CFAP119: variants seen among roughly 807,000 people sequenced by gnomAD.
The protein encoded by CFAP119 is cilia- and flagella-associated protein 119.
the CFAP119 span, chr16:30,760,044 G>A: frequency 6.6e-7 from 1 of 1,517,760 alleles, no homozygotes; most frequent in Admixed American, 2.1e-5. Context: ...GTGTTATTGT[G>A]CACTATGCAT....
At chr16:30,757,974 G>T in the CFAP119 span, 1 of 365,626 alleles carries the variant, frequency 2.7e-6, no homozygotes, top group Non-Finnish European at 4.5e-6. Flanking sequence ...GATTGAGGGA[G>T]GATTAAATGA....
At chr16:30,760,925 T>C in the CFAP119 span, 1 of 612,100 alleles carries the variant, frequency 1.6e-6, no homozygotes, top group Non-Finnish European at 2.9e-6. Context: ...CTTGGTCAAG[T>C]ACTCCCTGTG....
At chr16:30,761,865 C>T in the CFAP119 span, 2 of 1,044,708 alleles carry the variant, frequency 1.9e-6, no homozygotes, top group South Asian at 3.6e-5. Flanking sequence ...TCCGGCCAAT[C>T]TACGCGCGGA....
chr16:30,758,854 CT>C, the CFAP119 span: 3 of 1,280,718 alleles, frequency 2.3e-6, no homozygotes, highest in Non-Finnish European at 3.2e-6. Flanking sequence ...TGGCCTGCAG[CT>C]GTGCTTTTAT....
At chr16:30,760,762 C>T in the CFAP119 span, 257 of 1,176,352 alleles carry the variant, frequency 2.2e-4, no homozygotes, top group Non-Finnish European at 2.7e-4. Flanking sequence ...TGGCCACCGG[C>T]GTGAAGCTGG....
the CFAP119 span, chr16:30,760,683 GAA>G: frequency 0.3 from 461,913 of 1,549,660 alleles, 82,662 homozygotes; most frequent in South Asian, 0.67. Flanking sequence ...TATAGTAAAA[GAA>G]AAAGAGTATT....
chr16:30,759,848 G>C, the CFAP119 span: 4 of 1,470,740 alleles, frequency 2.7e-6, no homozygotes, highest in Admixed American at 8.2e-5. Flanking sequence ...GCACTGGCTT[G>C]TTTCCTTAAC....
the CFAP119 span, chr16:30,760,120 TAAGG>T: frequency 6.5e-7 from 1 of 1,547,656 alleles, no homozygotes; most frequent in Non-Finnish European, 8.7e-7. Flanking sequence ...AATTTCTAGA[TAAGG>T]AAGCAGTGGA....
At chr16:30,758,477 C>T in the CFAP119 span, 2 of 174,454 alleles carry the variant, frequency 1.1e-5, no homozygotes, top group African/African-American at 4.8e-5. Context: ...CCCATCAACC[C>T]ATCATATAGG....
the CFAP119 span, chr16:30,759,251 G>A: frequency 5.0e-6 from 8 of 1,614,024 alleles, no homozygotes; most frequent in African/African-American, 1.3e-5. Flanking sequence ...GCCGCACCTG[G>A]GAAGCAAGGC....
chr16:30,758,441 T>C, the CFAP119 span: 1 of 160,376 alleles, frequency 6.2e-6, no homozygotes, highest in South Asian at 1.6e-4. Flanking sequence ...TACGTAGGTA[T>C]ACATGGGCCA....
chr16:30,761,084 C>T, the CFAP119 span: 2 of 1,232,218 alleles, frequency 1.6e-6, no homozygotes, highest in Non-Finnish European at 1.1e-6. Context: ...GTAATTGCAT[C>T]TCCAGGCCTC....
At chr16:30,760,408 C>G in the CFAP119 span, 1 of 1,614,214 alleles carries the variant, frequency 6.2e-7, no homozygotes. Flanking sequence ...TGGCGTCCCT[C>G]AGGCTCTGCT....
the CFAP119 span, chr16:30,760,587 C>T: frequency 1.5e-5 from 24 of 1,562,362 alleles, no homozygotes; most frequent in Non-Finnish European, 2.0e-5. Flanking sequence ...GCTCTTCCCA[C>T]GCCCCCCTCA....
chr16:30,758,638 C>T, the CFAP119 span: 1 of 279,256 alleles, frequency 3.6e-6, no homozygotes, highest in Admixed American at 5.0e-5. Flanking sequence ...TCACTGCAGT[C>T]TCCACCTCCT....
At chr16:30,759,986 CAGCTATTAAACATTCTGAAGCAAG>C in the CFAP119 span, 27 of 1,457,604 alleles carry the variant, frequency 1.9e-5, no homozygotes, top group Non-Finnish European at 2.3e-5. Context: ...TAGATCATTT[CAGCTATTAAACATTCTGAAGCAAG>C]AGCTATTAAA....
the CFAP119 span, chr16:30,760,722 C>G: frequency 6.7e-7 from 1 of 1,483,378 alleles, no homozygotes; most frequent in African/African-American, 1.4e-5. Flanking sequence ...CATGACAAGG[C>G]TGTGACAGCT....
the CFAP119 span, chr16:30,758,989 G>A: frequency 1.2e-6 from 2 of 1,613,926 alleles, no homozygotes; most frequent in South Asian, 1.1e-5. Context: ...GGACAGGGCA[G>A]CCTGCCCTCT....
the CFAP119 span, chr16:30,760,517 T>C: frequency 6.8e-6 from 11 of 1,610,082 alleles, no homozygotes; most frequent in Non-Finnish European, 9.3e-6. Flanking sequence ...ACCCACCACA[T>C]GCTTTGGAGT....
Sources: allele counts gnomAD v4.1 joint callset, GRCh38; gene constraint gnomAD v4.1.1; transcripts MANE v1.5; gene names NCBI Gene and HGNC (gene_info 2026-07-23, HGNC 2026-07-21).